The following POLA1 variants were observed in gnomAD, a reference collection of about 807,000 sequenced individuals.
POLA1 encodes DNA polymerase alpha catalytic subunit.
A neutral mutation model predicts 124.0 loss-of-function variants in POLA1; 15 were observed. The ratio of observed to expected loss-of-function variants is 0.12; its 90% CI spans 0.08 to 0.19. The LOEUF is 0.19. Among genes scored for constraint, POLA1 ranks in the 10% least tolerant of loss-of-function variants. The pLI is 1.00. For missense variants in POLA1, 886 were observed against 1,103.4 expected, an observed-to-expected ratio of 0.80 and a Z score of 2.79; for synonymous variants, 408 against 389.4, an observed-to-expected ratio of 1.05 and a Z score of -0.56.
chrX:24,732,597 TTG>T, intron 16 of POLA1, 143 bp downstream of exon 16: 7 of 335,811 alleles, frequency 2.1e-5, no homozygotes, highest in East Asian at 9.5e-5. Flanking sequence ...TTGTTTTTTT[TTG>T]TTTTTTTTTT....
intron 34 of POLA1, among the ~76,000 whole-genome samples, chrX:24,850,822 A>G (rs187167827): frequency 1.1e-4 from 12 of 112,183 alleles, no homozygotes; most frequent in Admixed American, 1.0e-3. Flanking sequence ...AAGTGCCTAG[A>G]GAGAGCTCGT....
At chrX:24,727,673 T>C (rs1479192258) in intron 14 of POLA1, 109 bp from the exon 15 acceptor site, 2 of 582,731 alleles carry the variant, frequency 3.4e-6, no homozygotes, top group Non-Finnish European at 2.7e-6. Flanking sequence ...GTCATTCTTA[T>C]TAGAAGGCAG....
chrX:24,697,179 T>A (rs1471827323), intron 1 of POLA1, among the ~76,000 whole-genome samples: 1 of 111,605 alleles, frequency 9.0e-6, no homozygotes, highest in Non-Finnish European at 1.9e-5. Flanking sequence ...TATTTGTGAT[T>A]GTACCCTAAA....
intron 26 of POLA1, among the ~76,000 whole-genome samples, chrX:24,764,728 C>T (rs770434955): frequency 9.0e-6 from 1 of 111,727 alleles, no homozygotes; most frequent in South Asian, 3.8e-4. Flanking sequence ...CTGTCACTTT[C>T]TTCTCATTAC....
In POLA1 at chrX:24,733,785, C is replaced by A. The variant is rs1165699664; in HGVS notation, c.1802C>A (p.Pro601Gln). 1.8e-5 allele frequency: 20 copies of A among 1,138,353 alleles called. No homozygotes were observed. In the Admixed American group the frequency reaches 4.6e-4, roughly 26 times the overall value. The allele number at this position is 1,138,353 out of a possible 1,213,427, so 93.8% of individuals were successfully genotyped here. A position where few individuals can be genotyped will look rare whatever the true frequency, so the allele number is the denominator to read the frequency against. ...VVSKPKDCIF[P>Q]YAFKEVIEKK... ...TCTAAACCAAAGGACTGTATTTTTC[C>A]ATATGCTTTCAAAGAAGTCATTGAG... is the stretch of plus-strand genomic sequence containing the variant. The change falls in exon 17 of 37, where the codon CCA (proline) becomes CAA (glutamine). Residue 601 changes from proline to glutamine, a missense_variant. Physicochemically the swap from Pro to Gln is moderately conservative, Grantham distance 76. This residue lies in a region of POLA1 where 337 missense variants were observed against 402.8 expected (regional missense o/e 0.84). Transcript: ENST00000379068.
intron 30 of POLA1, 33 bp downstream of exon 30, chrX:24,815,144 C>T: frequency 3.4e-6 from 4 of 1,172,059 alleles, no homozygotes; most frequent in Non-Finnish European, 4.6e-6. Flanking sequence ...AGCCCAGCTG[C>T]TGTCATGTGT....
chrX:24,930,327 C>A, intron 35 of POLA1, 126 bp from the exon 36 acceptor site: 1 of 489,004 alleles, frequency 2.0e-6, no homozygotes, highest in East Asian at 3.7e-5. Context: ...CCCTTCTTAC[C>A]CACTTTCTTT....
intron 19 of POLA1, among the ~76,000 whole-genome samples, chrX:24,738,477 TA>T (rs1179096946): frequency 3.0e-4 from 31 of 104,467 alleles, no homozygotes; most frequent in South Asian, 2.1e-3. Context: ...TATCTTGTAA[TA>T]AAAAAAAAAG....
intron 35 of POLA1, among the ~76,000 whole-genome samples, chrX:24,893,477 A>G (rs919674586): frequency 7.1e-5 from 8 of 111,954 alleles, no homozygotes; most frequent in Non-Finnish European, 1.5e-4. Context: ...TAGTACATTC[A>G]CAATGCTGTG....
intron 26 of POLA1, chrX:24,788,883 C>T (rs377677112): frequency 1.8e-5 from 22 of 1,198,620 alleles, no homozygotes; most frequent in African/African-American, 8.8e-5. Flanking sequence ...TTTTCCTTTT[C>T]GTAAGACTTG....
intron 36 of POLA1, among the ~76,000 whole-genome samples, chrX:24,957,755 T>C (rs2048122916): frequency 9.0e-6 from 1 of 111,531 alleles, no homozygotes; most frequent in African/African-American, 3.3e-5. Context: ...ACAAGCTATG[T>C]ACACTAGGAA....
intron 24 of POLA1, among the ~76,000 whole-genome samples, chrX:24,747,020 G>T (rs1057022521): frequency 4.5e-5 from 5 of 111,796 alleles, no homozygotes; most frequent in Non-Finnish European, 9.4e-5. Flanking sequence ...AAGACTGCTG[G>T]TTGCTTTTCT....
chrX:24,853,297 C>CT (rs1402795234), intron 34 of POLA1, among the ~76,000 whole-genome samples: 1 of 111,873 alleles, frequency 8.9e-6, no homozygotes, highest in East Asian at 2.8e-4. Context: ...TGTGGATATT[C>CT]TTTTTTTGTC....
chrX:24,818,875 G>C (rs190344175), intron 30 of POLA1, among the ~76,000 whole-genome samples: 1 of 112,273 alleles, frequency 8.9e-6, no homozygotes, highest in Admixed American at 9.4e-5. Flanking sequence ...CATACAATCT[G>C]TTGTGACATG....
At chrX:24,716,267 C>T (rs1448255331) in intron 6 of POLA1, 95 bp from the exon 7 acceptor site, 2 of 476,978 alleles carry the variant, frequency 4.2e-6, no homozygotes, top group Non-Finnish European at 7.6e-6. Flanking sequence ...GAAAAGAAAG[C>T]TTTGCTTATT....
chrX:24,986,208 T>C (rs966989269), intron 36 of POLA1, among the ~76,000 whole-genome samples: 1 of 111,177 alleles, frequency 9.0e-6, no homozygotes, highest in African/African-American at 3.3e-5. Flanking sequence ...TATGACAGTT[T>C]CCTCAGAGCC....
intron 26 of POLA1, among the ~76,000 whole-genome samples, chrX:24,799,152 A>C (rs1323000786): frequency 8.9e-6 from 1 of 112,332 alleles, no homozygotes; most frequent in Non-Finnish European, 1.9e-5. Flanking sequence ...CTTCATTTGA[A>C]GAAGAGAGTA....
intron 4 of POLA1, among the ~76,000 whole-genome samples, chrX:24,710,000 G>A (rs1467238388): frequency 4.1e-5 from 4 of 98,396 alleles, no homozygotes; most frequent in Non-Finnish European, 8.2e-5. Context: ...CGGCCGGGCA[G>A]AGGCTGCAAT....
At chrX:24,973,964 T>A (rs2048335276) in intron 36 of POLA1, among the ~76,000 whole-genome samples, 1 of 110,552 alleles carries the variant, frequency 9.0e-6, no homozygotes, top group Non-Finnish European at 1.9e-5. Flanking sequence ...CTTGAGTAGC[T>A]CATTGTTCAT....
Sources: gnomAD v4.1 joint callset for allele counts (sites outside exome capture counted in the v4.1 genomes callset) on GRCh38, gnomAD v4.1.1 for gene constraint, gnomAD v4.1.1 regional missense constraint, MANE v1.5 for transcripts, NCBI Gene and HGNC (gene_info 2026-07-23, HGNC 2026-07-21) for gene names.